FBXO48: variants seen among roughly 807,000 people sequenced by gnomAD.
FBXO48 encodes F-box only protein 48.
Under a neutral mutation model 14.3 loss-of-function variants are expected in FBXO48, and 12 were observed. The ratio of observed to expected loss-of-function variants is 0.84; its 90% CI spans 0.54 to 1.36. The LOEUF is 1.36. Ranked by LOEUF, FBXO48 falls within the 40% of genes most tolerant of loss-of-function variation. The pLI, the probability that FBXO48 is intolerant of heterozygous loss-of-function variation, is 0.00. For synonymous variants in FBXO48, 53 were observed against 61.7 expected (o/e 0.86, Z 0.66); for missense variants, 177 against 179.1 (o/e 0.99, Z 0.07).
At position 68,459,514 on chromosome 2, in the gene FBXO48, CTG is replaced by C. The variant is rs1355972915; in HGVS notation, c.*4693_*4694del. 4 of 152,132 alleles carry C rather than the reference CTG, an allele frequency of 2.6e-5. No homozygotes were observed. The highest frequency in any genetic ancestry group is 9.7e-5 in the African/African-American group (4 of 41,434). 9.4% of individuals were successfully genotyped at this position (152,132 alleles called of 1,614,324 possible). Reference sequence around the variant, plus strand: ...TTCCCTCTTACAGGTTTGGAGAAGACTGGAACAATTATTCATACATTTGTATT... The same window carrying C: ...TTCCCTCTTACAGGTTTGGAGAAGACGAACAATTATTCATACATTTGTATT... On this transcript the variant is annotated 3_prime_UTR_variant, in exon 4 of 4. Coordinates refer to ENST00000377957, the MANE Select transcript of FBXO48 (RefSeq NM_001024680.3).
rs751708213 is a variant in FBXO48, at chr2:68,464,290, G to A, written c.387C>T (p.Pro129=). 9 of 1,613,610 alleles carry A rather than the reference G, an allele frequency of 5.6e-6. No individual in the cohort carries two copies. Among genetic ancestry groups the A allele is most frequent in the South Asian group, 1.1e-5 (1 of 91,056 alleles). Residue 129 remains proline (P), a synonymous_variant, in exon 4 of 4, where the codon CCC becomes CCT. Coordinates refer to ENST00000377957, the MANE Select transcript of FBXO48 (RefSeq NM_001024680.3). The part of the protein sequence containing the change: ...LSGRYSNICS[P]ISLPEKIMYP... ...ACATGATTTTTTCTGGTAGGCTAATGGGAGAACAAATGTTGCTGTATCTGC... is the reference window on the plus strand; with the variant it reads ...ACATGATTTTTTCTGGTAGGCTAATAGGAGAACAAATGTTGCTGTATCTGC...
rs1015093567 is a variant in FBXO48, at chr2:68,463,986, T to C, written c.*223A>G. The C allele has an allele frequency of 6.8e-6, 3 of 440,288 alleles. No homozygotes were observed. The highest frequency in any genetic ancestry group is 3.8e-5 in the East Asian group (1 of 25,986). 27.3% of individuals were successfully genotyped at this position (440,288 alleles called of 1,614,324 possible). ...ATCACTCTATCAGTATATTATTTCT[T>C]ATAAAAATAACATTTCATGATTTTT... On this transcript the variant is annotated 3_prime_UTR_variant, in exon 4 of 4. Transcript: ENST00000377957.
Position 68,465,079 on chromosome 2 carries a change from C to A in FBXO48, c.67G>T (p.Ala23Ser). Residue 23 changes from alanine (A) to serine (S), a missense_variant, in exon 3 of 4, where the codon GCT (alanine) becomes TCT (serine). Ala to Ser is a moderately conservative substitution (Grantham distance 99). Coordinates refer to ENST00000377957, the MANE Select transcript of FBXO48 (RefSeq NM_001024680.3). Reference protein sequence around the residue: ...VSHTEANSVDAEKEKNESQNN... With the variant: ...VSHTEANSVDSEKEKNESQNN... The stretch of plus-strand genomic sequence containing the variant: ...TGACTCTCATTTTTTTCCTTCTCAG[C>A]ATCCACAGAGTTCGCTTCTGTGTGA... 1 of 1,613,716 alleles carries A rather than the reference C, an allele frequency of 6.2e-7. No individual in the cohort carries two copies.
intron 2 of FBXO48, 59 bp from the exon 3 acceptor site, chr2:68,465,237 A>G (rs556710469): frequency 1.2e-6 from 1 of 847,922 alleles, no homozygotes; most frequent in East Asian, 2.6e-5. Flanking sequence ...TCCTACTTTA[A>G]GTCAGATGCT....
At position 68,460,483 on chromosome 2, in the gene FBXO48, A is replaced by G. The variant is rs972234933; in HGVS notation, c.*3726T>C. The G allele has an allele frequency of 6.6e-6, 1 of 151,780 alleles. No individual in the cohort carries two copies. Among genetic ancestry groups the G allele is most frequent in the African/African-American group, 2.4e-5 (1 of 41,452 alleles). The allele number at this position is 151,780 out of a possible 1,614,324, so 9.4% of individuals were successfully genotyped here. The stretch of plus-strand genomic sequence containing the variant: ...GGAAGAACTACTTTTATGAGATGGT[A>G]AGTTTTGATTCAGGTGCTTATATAT... On this transcript the variant is annotated 3_prime_UTR_variant, in exon 4 of 4. Coordinates refer to ENST00000377957, the MANE Select transcript of FBXO48 (RefSeq NM_001024680.3).
intron 1 of FBXO48, among the ~76,000 whole-genome samples, 166 bp downstream of exon 1, chr2:68,467,045 G>A (rs1000392815): frequency 3.9e-5 from 6 of 152,178 alleles, no homozygotes; most frequent in African/African-American, 1.4e-4. Flanking sequence ...GCGGGTTGCA[G>A]CTGCTGGAAC....
At position 68,462,763 on chromosome 2, in the gene FBXO48, G is replaced by C. The variant is rs1675300038; in HGVS notation, c.*1446C>G. ...TGGAGAGAAGACATAGGAAGAGACA[G>C]GCTATCAGTCTTCAAATATCTGGCA... On this transcript the variant is annotated 3_prime_UTR_variant, in exon 4 of 4. Transcript: ENST00000377957. The C allele has an allele frequency of 6.6e-6, 1 of 152,262 alleles. No homozygotes were observed. The highest frequency in any genetic ancestry group is 2.1e-4 in the South Asian group (1 of 4,832). 9.4% of individuals were successfully genotyped at this position (152,262 alleles called of 1,614,324 possible). A position where few individuals can be genotyped will look rare whatever the true frequency, so the allele number is the denominator to read the frequency against.
Position 68,461,287 on chromosome 2 carries a change from CTTTTTTTTTTTT to C in FBXO48, c.*2910_*2921del, listed in dbSNP as rs924636377. 2 of 119,628 alleles carry C rather than the reference CTTTTTTTTTTTT, an allele frequency of 1.7e-5. No individual in the cohort carries two copies. Among genetic ancestry groups the C allele is most frequent in the South Asian group, 2.7e-4 (1 of 3,734 alleles). 7.4% of individuals were successfully genotyped at this position (119,628 alleles called of 1,614,324 possible). On this transcript the variant is annotated 3_prime_UTR_variant, in exon 4 of 4. Transcript: ENST00000377957. ...CTTACTTAAGATCCGTTTTCGTTTTCTTTTTTTTTTTTTTTTTTTTGAGACGGAGTCTCGCTC... is the reference window on the plus strand; with the variant it reads ...CTTACTTAAGATCCGTTTTCGTTTTCTTTTTTTTGAGACGGAGTCTCGCTC...
Position 68,464,126 on chromosome 2 carries a change from G to A in FBXO48, c.*83C>T, listed in dbSNP as rs1675333632. 14 of 1,144,530 alleles carry A rather than the reference G, an allele frequency of 1.2e-5. No individual in the cohort carries two copies. The highest frequency in any genetic ancestry group is 2.1e-5 in the Admixed American group (1 of 48,146). 70.9% of individuals were successfully genotyped at this position (1,144,530 alleles called of 1,614,324 possible). ...TAAAAAGGTGAACAACAAAATGAAC[G>A]AATAAAGATATCGCTTTTGCAACCT... is the stretch of plus-strand genomic sequence containing the variant. On this transcript the variant is annotated 3_prime_UTR_variant, in exon 4 of 4. Coordinates refer to ENST00000377957, the MANE Select transcript of FBXO48 (RefSeq NM_001024680.3).
chr2:68,465,115 A>C lies in FBXO48; in HGVS notation c.31T>G (p.Leu11Val). The change falls in exon 3 of 4, where the codon TTA (leucine) becomes GTA (valine). Residue 11 changes from leucine (L) to valine (V), a missense_variant. Physicochemically the swap from Leu to Val is conservative, Grantham distance 32. Coordinates refer to ENST00000377957, the MANE Select transcript of FBXO48 (RefSeq NM_001024680.3). ...TTCGCTTCTGTGTGAGAAACTCTTA[A>C]ATTATTGTTTCTCTTGGAGTTTTTA... MHKNSKRNNN[L>V]RVSHTEANSV... is the part of the protein sequence containing the mutation. The C allele has an allele frequency of 6.2e-7, 1 of 1,610,222 alleles. No individual in the cohort carries two copies. The highest frequency in any genetic ancestry group is 8.5e-7 in the Non-Finnish European group (1 of 1,178,088).
chr2:68,461,498 T>G lies in FBXO48; in HGVS notation c.*2711A>C, dbSNP rs1432032421. On this transcript the variant is annotated 3_prime_UTR_variant, in exon 4 of 4. Coordinates refer to ENST00000377957, the MANE Select transcript of FBXO48 (RefSeq NM_001024680.3). Reference sequence around the variant, plus strand: ...TTTTTAGTAGAGACGGGGTTTCACCTTGTTAGCCAGGATGGTCTCGATCTC... The same window carrying G: ...TTTTTAGTAGAGACGGGGTTTCACCGTGTTAGCCAGGATGGTCTCGATCTC... 6.8e-6 allele frequency: 1 copy of G among 146,440 alleles called. No individual in the cohort carries two copies. 9.1% of individuals were successfully genotyped at this position (146,440 alleles called of 1,614,324 possible).
rs1182904650 is a variant in FBXO48 at position 68,461,321 on chromosome 2, G to T, written c.*2888C>A. ...TTTTTTTTTTTTGAGACGGAGTCTC[G>T]CTCTGTCGCCCAGGCCGGACTGCGG... On this transcript the variant is annotated 3_prime_UTR_variant, in exon 4 of 4. Transcript: ENST00000377957. 1 of 131,140 alleles carries T rather than the reference G, an allele frequency of 7.6e-6. No individual in the cohort carries two copies. The highest frequency in any genetic ancestry group is 8.7e-5 in the Admixed American group (1 of 11,470). 8.1% of individuals were successfully genotyped at this position (131,140 alleles called of 1,614,324 possible). A position where few individuals can be genotyped will look rare whatever the true frequency, so the allele number is the denominator to read the frequency against.
Position 68,463,163 on chromosome 2 carries a change from T to C in FBXO48, c.*1046A>G, listed in dbSNP as rs1451769452. 1.3e-5 allele frequency: 2 copies of C among 152,210 alleles called. No homozygotes were observed. Among genetic ancestry groups the C allele is most frequent in the African/African-American group, 4.8e-5 (2 of 41,458 alleles). 9.4% of individuals were successfully genotyped at this position (152,210 alleles called of 1,614,324 possible). The stretch of plus-strand genomic sequence containing the variant: ...TAAATATTGGTTTCCTGGATTCTTA[T>C]ATTTAATGCTATAGAGAACAGTTTT... On this transcript the variant is annotated 3_prime_UTR_variant, in exon 4 of 4. Coordinates refer to ENST00000377957, the MANE Select transcript of FBXO48 (RefSeq NM_001024680.3).
chr2:68,466,618 A>G (rs1172525706), intron 1 of FBXO48, 148 bp from the exon 2 acceptor site: 1 of 152,202 alleles, frequency 6.6e-6, no homozygotes, highest in Non-Finnish European at 1.5e-5. Flanking sequence ...ACATTAGGAA[A>G]ACGTTACAGT....
intron 2 of FBXO48, among the ~76,000 whole-genome samples, chr2:68,465,397 G>A (rs1461200450): frequency 6.6e-6 from 1 of 151,780 alleles, no homozygotes; most frequent in Non-Finnish European, 1.5e-5. Context: ...TTGCACATGG[G>A]AGGCACCCAA....
intron 2 of FBXO48, 55 bp from the exon 3 acceptor site, chr2:68,465,233 T>G: frequency 2.3e-6 from 2 of 884,576 alleles, no homozygotes; most frequent in Non-Finnish European, 3.4e-6. Context: ...TAAATCCTAC[T>G]TTAAGTCAGA....
In FBXO48 at chr2:68,460,622, A is replaced by C. The variant is rs996766125; in HGVS notation, c.*3587T>G. ...TGTATTTCTGGAACATCTCATGGAGATCTGATGTTGGGACACGGACATAGA... is the reference window on the plus strand; with the variant it reads ...TGTATTTCTGGAACATCTCATGGAGCTCTGATGTTGGGACACGGACATAGA... On this transcript the variant is annotated 3_prime_UTR_variant, in exon 4 of 4. Transcript: ENST00000377957. The C allele has an allele frequency of 6.6e-6, 1 of 152,038 alleles. No individual in the cohort carries two copies. Among genetic ancestry groups the C allele is most frequent in the Non-Finnish European group, 1.5e-5 (1 of 68,008 alleles). 9.4% of individuals were successfully genotyped at this position (152,038 alleles called of 1,614,324 possible).
chr2:68,465,756 G>A (rs1482508988), intron 2 of FBXO48, among the ~76,000 whole-genome samples: 1 of 152,074 alleles, frequency 6.6e-6, no homozygotes, highest in African/African-American at 2.4e-5. Context: ...TGTTGTACAT[G>A]GGAACTGATG....
rs1675366213 is a variant in FBXO48, at chr2:68,465,030, G to A, written c.116C>T (p.Pro39Leu). 3 of 1,613,986 alleles carry A rather than the reference G, an allele frequency of 1.9e-6. No homozygotes were observed. The highest frequency in any genetic ancestry group is 2.5e-6 in the Non-Finnish European group (3 of 1,180,024). ...GAAAATTTTAAAAGTGATTTCTGCA[G>A]GCAGCAGTTCAAAAAAGTTGTTTTG... ...ESQNNFFELL[P>L]AEITFKIFSQ... Residue 39 changes from proline to leucine, a missense_variant, in exon 3 of 4, where the codon CCT (proline) becomes CTT (leucine). By Grantham distance (98) the Pro-to-Leu change is moderately conservative (BLOSUM62 -3). Transcript: ENST00000377957.
Sources: gnomAD v4.1 joint callset for allele counts (sites outside exome capture counted in the v4.1 genomes callset) on GRCh38, gnomAD v4.1.1 for gene constraint, MANE v1.5 for transcripts, NCBI Gene and HGNC (gene_info 2026-07-23, HGNC 2026-07-21) for gene names.